Variants in AGO3 observed in about 807,000 individuals in gnomAD.
AGO3 encodes protein argonaute-3.
A neutral mutation model predicts 105.5 loss-of-function variants in AGO3; 16 were observed. The ratio of observed to expected loss-of-function variants is 0.15; its 90% CI spans 0.10 to 0.23. AGO3 has a LOEUF of 0.23. Ranked by LOEUF, AGO3 falls within the 10% of genes least tolerant of loss-of-function variation. AGO3 has a pLI of 1.00. For missense variants in AGO3, 534 were observed against 1,088.0 expected, an observed-to-expected ratio of 0.49 and a Z score of 7.16; for synonymous variants, 340 against 367.3, an observed-to-expected ratio of 0.93 and a Z score of 0.85.
intron 5 of AGO3, among the ~76,000 whole-genome samples, chr1:35,988,654 C>T (rs1255543323): frequency 6.6e-6 from 1 of 151,718 alleles, no homozygotes; most frequent in Non-Finnish European, 1.5e-5. Flanking sequence ...ATGTATATAC[C>T]ACATTCTTTT....
intron 5 of AGO3, among the ~76,000 whole-genome samples, chr1:35,997,122 A>C (rs1394333516): frequency 6.6e-6 from 1 of 152,038 alleles, no homozygotes; most frequent in Non-Finnish European, 1.5e-5. Flanking sequence ...TACTAAAAAT[A>C]GAAAAAATTA....
chr1:35,967,089 T>A lies in AGO3; in HGVS notation c.312+14T>A. 1 of 1,597,276 alleles carries A rather than the reference T, an allele frequency of 6.3e-7. No individual in the cohort carries two copies. Among genetic ancestry groups the A allele is most frequent in the South Asian group, 1.1e-5 (1 of 87,480 alleles). ...GCAACTACAGGGGTAAGATATGCAT[T>A]CCTGTATTGGAAAGGTATATTTTTG... On this transcript the variant is annotated intron_variant, in intron 3 of 18. Transcript: ENST00000373191.
At chr1:35,965,515 G>C (rs1226171329) in intron 2 of AGO3, among the ~76,000 whole-genome samples, 2 of 138,444 alleles carry the variant, frequency 1.4e-5, no homozygotes, top group African/African-American at 5.1e-5. Flanking sequence ...AAAAGAAAAA[G>C]AAAGAAACCA....
At chr1:36,003,709 AATATATATATATAT>A (rs1235994406) in intron 5 of AGO3, among the ~76,000 whole-genome samples, 1 of 99,446 alleles carries the variant, frequency 1.0e-5, no homozygotes, top group Non-Finnish European at 1.9e-5. Flanking sequence ...AAAAAAAAAA[AATATATATATATAT>A]ATATATATAT....
intron 3 of AGO3, 86 bp downstream of exon 3, chr1:35,967,161 A>G (rs1289805809): frequency 1.4e-6 from 2 of 1,417,830 alleles, no homozygotes; most frequent in East Asian, 2.4e-5. Flanking sequence ...ATTACAGTCC[A>G]TATATATGTG....
intron 6 of AGO3, chr1:36,005,611 A>G (rs1364196102): frequency 7.4e-6 from 4 of 539,044 alleles, no homozygotes; most frequent in Non-Finnish European, 9.5e-6. Flanking sequence ...TCTAAATGCC[A>G]TGGTTTCCAG....
intron 12 of AGO3, among the ~76,000 whole-genome samples, chr1:36,031,348 C>T (rs1482773333): frequency 1.3e-5 from 2 of 152,018 alleles, no homozygotes; most frequent in Non-Finnish European, 2.9e-5. Flanking sequence ...CCTGCTTTTC[C>T]TTCATTTATG....
rs532363715 is a variant in AGO3 at position 36,072,239 on chromosome 1, G to A, written c.*16494G>A. 1.3e-5 allele frequency: 2 copies of A among 152,266 alleles called. No homozygotes were observed. The highest frequency in any genetic ancestry group is 4.8e-5 in the African/African-American group (2 of 41,550). 9.4% of individuals were successfully genotyped at this position (152,266 alleles called of 1,614,324 possible). The stretch of plus-strand genomic sequence containing the variant: ...TATAATATTTTGTGTTAAAGAAAGT[G>A]TCATTGTTTCCTGTTGGGAGGCAAA... On this transcript the variant is annotated 3_prime_UTR_variant, in exon 19 of 19. Coordinates refer to ENST00000373191, the MANE Select transcript of AGO3 (RefSeq NM_024852.4).
chr1:36,014,835 C>T (rs1640816532), intron 11 of AGO3, among the ~76,000 whole-genome samples: 2 of 151,444 alleles, frequency 1.3e-5, no homozygotes, highest in Non-Finnish European at 2.9e-5. Flanking sequence ...ATAGTAAATT[C>T]CTTGATTCAT....
At chr1:35,932,591 G>A (rs1646073334) in intron 1 of AGO3, among the ~76,000 whole-genome samples, 1 of 150,402 alleles carries the variant, frequency 6.6e-6, no homozygotes, top group Non-Finnish European at 1.5e-5. Context: ...TTTGTTACAT[G>A]GAAGTTTCTC....
chr1:36,016,047 CAGAT>C (rs1347520139), intron 11 of AGO3, among the ~76,000 whole-genome samples: 1 of 152,176 alleles, frequency 6.6e-6, no homozygotes, highest in African/African-American at 2.4e-5. Context: ...AGTACAGAAA[CAGAT>C]GGATTGGTTA....
intron 1 of AGO3, among the ~76,000 whole-genome samples, chr1:35,935,736 C>G (rs1408170320): frequency 6.6e-6 from 1 of 152,188 alleles, no homozygotes; most frequent in Non-Finnish European, 1.5e-5. Context: ...TACCATTTTG[C>G]TTTATAATAT....
chr1:36,035,754 C>T (rs903360179), intron 13 of AGO3, among the ~76,000 whole-genome samples: 4 of 152,096 alleles, frequency 2.6e-5, no homozygotes, highest in African/African-American at 4.8e-5. Context: ...TTGGATTGGC[C>T]GGGTGCGGTG....
rs1557696520 is a variant in AGO3, at chr1:36,027,133, C to T, written c.1426C>T (p.Arg476Cys). ...TTCCAGGGGTTTCACAGACCAGCTG[C>T]GTAAGATTTCTAAGGATGCAGGGAT... Reference protein sequence around the residue: ...EILKGFTDQLRKISKDAGMPI... With the variant: ...EILKGFTDQLCKISKDAGMPI... The change falls in exon 12 of 19, where the codon CGT becomes TGT. Residue 476 changes from arginine to cysteine, a missense_variant. This residue lies in a region of AGO3 where 373 missense variants were observed against 854.0 expected (regional missense o/e 0.44). Transcript: ENST00000373191. This position sits in a 1 kb window ranked among gnomAD's most constrained non-coding sequence, Gnocchi z 4.0. The T allele has an allele frequency of 1.2e-6, 2 of 1,613,346 alleles. No individual in the cohort carries two copies. The highest frequency in any genetic ancestry group is 2.2e-5 in the East Asian group (1 of 44,868).
At chr1:35,985,723 C>T (rs1050989187) in intron 5 of AGO3, among the ~76,000 whole-genome samples, 21 of 152,160 alleles carry the variant, frequency 1.4e-4, no homozygotes, top group Admixed American at 7.2e-4. Context: ...ATGTTCCTAA[C>T]ACCAAACAAA....
At chr1:35,994,201 G>T (rs1648046097) in intron 5 of AGO3, among the ~76,000 whole-genome samples, 1 of 148,290 alleles carries the variant, frequency 6.7e-6, no homozygotes, top group Non-Finnish European at 1.5e-5. Context: ...CTCCCATCTG[G>T]GCCTCCCAAA....
intron 5 of AGO3, among the ~76,000 whole-genome samples, chr1:35,994,346 A>G (rs1157719507): frequency 1.3e-5 from 2 of 152,076 alleles, no homozygotes; most frequent in African/African-American, 2.4e-5. Context: ...AAACATTCTC[A>G]TGATAAAAAT....
intron 17 of AGO3, among the ~76,000 whole-genome samples, chr1:36,051,178 G>A (rs981145307): frequency 2.6e-5 from 4 of 151,726 alleles, no homozygotes; most frequent in South Asian, 4.2e-4. Flanking sequence ...CAAATGATCC[G>A]CCTGCCTCGG....
chr1:36,061,860 G>C lies in AGO3; in HGVS notation c.*6115G>C, dbSNP rs191778799. On this transcript the variant is annotated 3_prime_UTR_variant, in exon 19 of 19. Coordinates refer to ENST00000373191, the MANE Select transcript of AGO3 (RefSeq NM_024852.4). ...GATAAATTATTTTAGAACTCCAAGA[G>C]TGTGACAGTTTCATAAAAATAATGT... 6.6e-6 allele frequency: 1 copy of C among 152,332 alleles called. No homozygotes were observed. The highest frequency in any genetic ancestry group is 6.5e-5 in the Admixed American group (1 of 15,302). 9.4% of individuals were successfully genotyped at this position (152,332 alleles called of 1,614,324 possible).
Sources: gnomAD v4.1 joint callset for allele counts (sites outside exome capture counted in the v4.1 genomes callset) on GRCh38, gnomAD v4.1.1 for gene constraint, gnomAD v4.1.1 regional missense constraint, Gnocchi (gnomAD v3.1) non-coding constraint, MANE v1.5 for transcripts, NCBI Gene and HGNC (gene_info 2026-07-23, HGNC 2026-07-21) for gene names.